Variants in POT1 observed in about 807,000 individuals in gnomAD.
POT1 encodes protection of telomeres 1.
Under a neutral mutation model 78.5 loss-of-function variants are expected in POT1, and 47 were observed. That is an observed-to-expected ratio of 0.60 (90% CI 0.47 to 0.76). The LOEUF (loss-of-function observed/expected upper bound fraction) is 0.76. Ranked by LOEUF, POT1 falls within the 30% of genes least tolerant of loss-of-function variation. POT1 has a pLI of 0.00. For synonymous variants in POT1, 259 were observed against 260.7 expected, an observed-to-expected ratio of 0.99 and a Z score of 0.06; for missense variants, 646 against 749.9, an observed-to-expected ratio of 0.86 and a Z score of 1.62.
intron 2 of POT1, among the ~76,000 whole-genome samples, chr7:124,928,578 G>A (rs1033218608): frequency 6.6e-6 from 1 of 152,076 alleles, no homozygotes; most frequent in African/African-American, 2.4e-5. Context: ...CTTTAGTTCC[G>A]GGACTATATT....
chr7:124,876,379 T>C (rs1389461340), intron 6 of POT1, among the ~76,000 whole-genome samples: 1 of 152,188 alleles, frequency 6.6e-6, no homozygotes, highest in Non-Finnish European at 1.5e-5. Context: ...ATGATTGTTT[T>C]TCCTATTATG....
chr7:124,838,971 T>C (rs1241536254), intron 14 of POT1, among the ~76,000 whole-genome samples: 1 of 152,098 alleles, frequency 6.6e-6, no homozygotes, highest in Non-Finnish European at 1.5e-5. Flanking sequence ...AAAGTTTACA[T>C]GGAAATGCAA....
At chr7:124,860,269 A>G (rs1046095808) in intron 8 of POT1, among the ~76,000 whole-genome samples, 2 of 152,106 alleles carry the variant, frequency 1.3e-5, no homozygotes, top group Non-Finnish European at 2.9e-5. Flanking sequence ...GTAATCACTA[A>G]ATAGACCATC....
intron 6 of POT1, among the ~76,000 whole-genome samples, chr7:124,880,319 C>T (rs1271392880): frequency 6.6e-6 from 1 of 152,060 alleles, no homozygotes; most frequent in Non-Finnish European, 1.5e-5. Flanking sequence ...ACGTCTCTCA[C>T]TTTAAATGCT....
chr7:124,859,081 G>T lies in POT1; in HGVS notation c.578C>A (p.Ser193Tyr). 6.2e-7 allele frequency: 1 copy of T among 1,604,762 alleles called. No individual in the cohort carries two copies. Residue 193 changes from serine (S) to tyrosine (Y), a missense_variant, in exon 9 of 19, where the codon TCT becomes TAT. Around this residue, in one of 2 missense-constraint regions of POT1, gnomAD observed 252 missense variants for 341.4 expected, o/e 0.74. Coordinates refer to ENST00000357628, the MANE Select transcript of POT1 (RefSeq NM_015450.3). ...VWDGTRTPFPSWRVLIQDLVL... is the reference protein window; with the variant it reads ...VWDGTRTPFPYWRVLIQDLVL... The stretch of plus-strand genomic sequence containing the variant: ...AAGGTCTTGTATTAAGACTCTCCAA[G>T]ATGGAAATGGTGTCCTGGTGCCATC...
chr7:124,873,627 C>T (rs1795922776), intron 6 of POT1, among the ~76,000 whole-genome samples: 1 of 152,090 alleles, frequency 6.6e-6, no homozygotes, highest in Non-Finnish European at 1.5e-5. Flanking sequence ...AGTTTGGAAA[C>T]ATTCCCTTCT....
chr7:124,881,122 C>T (rs772278766), intron 6 of POT1, among the ~76,000 whole-genome samples: 13 of 151,880 alleles, frequency 8.6e-5, no homozygotes, highest in Non-Finnish European at 1.6e-4. Context: ...TAGGCGATTT[C>T]ATTGTTCTGC....
rs541744244 is a variant in POT1, at chr7:124,872,078, G to T, written c.125-1037C>A. Among the ~76,000 whole-genome samples, 6 of 152,108 alleles carry T rather than the reference G, an allele frequency of 3.9e-5. 1 individual carries two copies. In the South Asian group the frequency reaches 1.2e-3, roughly 32 times the overall value. Reference sequence around the variant, plus strand: ...ACCATTCTACTCTCTACTTCTATAAGATCAATTTTTTAAGATTCTGTGCCT... The same window carrying T: ...ACCATTCTACTCTCTACTTCTATAATATCAATTTTTTAAGATTCTGTGCCT... On this transcript the variant is annotated intron_variant, in intron 6 of 18. Transcript: ENST00000357628.
At chr7:124,878,963 T>G (rs1464596025) in intron 6 of POT1, among the ~76,000 whole-genome samples, 1 of 151,072 alleles carries the variant, frequency 6.6e-6, no homozygotes, top group Non-Finnish European at 1.5e-5. Context: ...GAATAAGAAA[T>G]GAAAGACAAA....
At chr7:124,858,924 C>T (rs370876324) in intron 9 of POT1, 33 bp downstream of exon 9, 2 of 1,517,028 alleles carry the variant, frequency 1.3e-6, no homozygotes, top group Non-Finnish European at 1.8e-6. Flanking sequence ...TTTATAAAAA[C>T]ATAAAATAAC....
chr7:124,909,457 CA>C (rs1337332557), intron 3 of POT1, among the ~76,000 whole-genome samples: 3 of 151,742 alleles, frequency 2.0e-5, no homozygotes, highest in Admixed American at 6.6e-5. Context: ...TTCCTTTAAG[CA>C]AAAAGTTTTA....
At chr7:124,925,734 G>C (rs1052663210) in intron 2 of POT1, among the ~76,000 whole-genome samples, 11 of 152,098 alleles carry the variant, frequency 7.2e-5, no homozygotes, top group South Asian at 2.1e-4. Context: ...AACCAAAATA[G>C]CATGGTACTA....
intron 4 of POT1, among the ~76,000 whole-genome samples, chr7:124,898,011 T>C (rs985175495): frequency 3.9e-5 from 6 of 152,002 alleles, no homozygotes; most frequent in East Asian, 1.9e-4. Context: ...CAGTCTAGAA[T>C]GTCTGTGCGG....
chr7:124,825,373 T>C lies in POT1; in HGVS notation c.1687-16A>G, dbSNP rs752082614. Reference sequence around the variant, plus strand: ...AGAATTTGTCCTTAAAAATGTTTCATGAGAGAAAAAAAAAGGAAATAATAT... The same window carrying C: ...AGAATTTGTCCTTAAAAATGTTTCACGAGAGAAAAAAAAAGGAAATAATAT... On this transcript the variant is annotated splice_polypyrimidine_tract_variant and intron_variant, in intron 17 of 18. Transcript: ENST00000357628. 6 of 1,509,518 alleles carry C rather than the reference T, an allele frequency of 4.0e-6. No homozygotes were observed. The highest frequency in any genetic ancestry group is 5.5e-6 in the Non-Finnish European group (6 of 1,100,208). The allele number at this position is 1,509,518 out of a possible 1,614,324, so 93.5% of individuals were successfully genotyped here.
intron 18 of POT1, 146 bp from the exon 19 acceptor site, chr7:124,824,220 C>T: frequency 1.8e-6 from 1 of 563,520 alleles, no homozygotes; most frequent in Non-Finnish European, 3.1e-6. Flanking sequence ...CCAAATTTAA[C>T]ATTATTCTCT....
intron 3 of POT1, among the ~76,000 whole-genome samples, chr7:124,912,346 T>C (rs184249825): frequency 4.6e-5 from 7 of 152,164 alleles, no homozygotes; most frequent in African/African-American, 1.7e-4. Context: ...AAATGAAACA[T>C]ACACTCACAC....
intron 15 of POT1, among the ~76,000 whole-genome samples, chr7:124,834,482 CAT>C (rs572390573): frequency 2.6e-5 from 4 of 152,084 alleles, no homozygotes; most frequent in Non-Finnish European, 5.9e-5. Context: ...AGCCAACAAA[CAT>C]ATGAAAGAAA....
chr7:124,866,136 G>T (rs1190825637), intron 7 of POT1, among the ~76,000 whole-genome samples: 2 of 152,076 alleles, frequency 1.3e-5, no homozygotes, highest in African/African-American at 4.8e-5. Context: ...CTTTGTTAGG[G>T]TGATACGTGG....
At chr7:124,877,543 A>G (rs962839234) in intron 6 of POT1, among the ~76,000 whole-genome samples, 3 of 152,036 alleles carry the variant, frequency 2.0e-5, no homozygotes, top group African/African-American at 7.2e-5. Context: ...TCCATTAAAA[A>G]AAAGAGTAAT....
Sources: gnomAD v4.1 joint callset for allele counts (sites outside exome capture counted in the v4.1 genomes callset) on GRCh38, gnomAD v4.1.1 for gene constraint, gnomAD v4.1.1 regional missense constraint, MANE v1.5 for transcripts, NCBI Gene and HGNC (gene_info 2026-07-23, HGNC 2026-07-21) for gene names.